Variants in GUCY2F observed in about 807,000 individuals in gnomAD.
GUCY2F encodes guanylate cyclase 2F, retinal.
GUCY2F carries 61 observed loss-of-function variants against 73.1 expected under a neutral mutation model. The ratio of observed to expected loss-of-function variants is 0.83; its 90% confidence interval spans 0.68 to 1.03. The LOEUF (loss-of-function observed/expected upper bound fraction) is 1.03. Among genes scored for constraint, GUCY2F ranks in the 50% least tolerant of loss-of-function variants. The pLI is 0.00. For synonymous variants in GUCY2F, 331 were observed against 307.8 expected, an observed-to-expected ratio of 1.08 and a Z score of -0.79; for missense variants, 912 against 854.3, an observed-to-expected ratio of 1.07 and a Z score of -0.84.
At chrX:109,443,704 T>C in intron 6 of GUCY2F, among the ~76,000 whole-genome samples, 1 of 112,076 alleles carries the variant, frequency 8.9e-6, no homozygotes, top group South Asian at 3.7e-4. Context: ...CAATCCAAAA[T>C]TGAGCTATGT....
At chrX:109,410,563 C>G (rs1242903687) in intron 8 of GUCY2F, among the ~76,000 whole-genome samples, 1 of 112,405 alleles carries the variant, frequency 8.9e-6, no homozygotes, top group Non-Finnish European at 1.9e-5. Context: ...ACATCCAAGA[C>G]ACTGGAATGC....
chrX:109,401,226 C>A (rs1299680800), intron 10 of GUCY2F, among the ~76,000 whole-genome samples: 2 of 111,993 alleles, frequency 1.8e-5, no homozygotes, highest in African/African-American at 3.3e-5. Context: ...GTTGAACTCT[C>A]GGGAAAACTA....
At chrX:109,470,843 C>T (rs1932559080) in intron 2 of GUCY2F, among the ~76,000 whole-genome samples, 1 of 111,547 alleles carries the variant, frequency 9.0e-6, no homozygotes, top group Non-Finnish European at 1.9e-5. Context: ...CTGGCTTTCT[C>T]ATTCACCAGT....
At chrX:109,426,421 G>C (rs1047913300) in intron 8 of GUCY2F, among the ~76,000 whole-genome samples, 1 of 111,764 alleles carries the variant, frequency 8.9e-6, no homozygotes, top group African/African-American at 3.3e-5. Context: ...CGGAGTCTTG[G>C]TCTGTCGCCC....
chrX:109,426,400 AT>A (rs1166135584), intron 8 of GUCY2F, among the ~76,000 whole-genome samples: 1 of 111,068 alleles, frequency 9.0e-6, no homozygotes, highest in African/African-American at 3.3e-5. Flanking sequence ...TCTTTTTTCT[AT>A]TTTTTGAGAC....
rs181505193 is a variant in GUCY2F at position 109,454,774 on chromosome X, G to A, written c.1033-915C>T. On this transcript the variant is annotated intron_variant, in intron 3 of 19. Coordinates refer to ENST00000218006, the MANE Select transcript of GUCY2F (RefSeq NM_001522.3). ...TTCCTCCCTTCTCTGTACCTCCCCC[G>A]ACATGGCCCCTCACACACGCGGCCA... is the stretch of plus-strand genomic sequence containing the variant. 3.9e-3 allele frequency among the ~76,000 whole-genome samples: 435 copies of A among 110,659 alleles called. 3 individuals are homozygous for A. The highest frequency in any genetic ancestry group is 0.014 in the African/African-American group (416 of 30,407).
chrX:109,412,766 G>A (rs1371508462), intron 8 of GUCY2F, among the ~76,000 whole-genome samples: 1 of 111,968 alleles, frequency 8.9e-6, no homozygotes, highest in Non-Finnish European at 1.9e-5. Context: ...AAGAGGAACC[G>A]ATATATGCCC....
At chrX:109,396,616 G>A (rs1333622310) in intron 11 of GUCY2F, among the ~76,000 whole-genome samples, 2 of 111,663 alleles carry the variant, frequency 1.8e-5, no homozygotes, top group Admixed American at 9.5e-5. Context: ...CAGGAACCAA[G>A]CTTTGCTTGC....
intron 14 of GUCY2F, among the ~76,000 whole-genome samples, chrX:109,391,136 C>A (rs1345532286): frequency 8.9e-6 from 1 of 111,964 alleles, no homozygotes; most frequent in East Asian, 2.8e-4. Context: ...AATGTCCCTG[C>A]ACAGCTATGA....
intron 2 of GUCY2F, among the ~76,000 whole-genome samples, chrX:109,471,155 G>A (rs1326795595): frequency 8.9e-6 from 1 of 111,933 alleles, no homozygotes; most frequent in Non-Finnish European, 1.9e-5. Context: ...GCAAGAGAAG[G>A]CTATTCCAAT....
At chrX:109,428,751 G>A (rs1931543622) in intron 8 of GUCY2F, among the ~76,000 whole-genome samples, 1 of 111,902 alleles carries the variant, frequency 8.9e-6, no homozygotes, top group African/African-American at 3.3e-5. Context: ...AAAGGGCATA[G>A]GGTCTACAAC....
At chrX:109,441,619 T>C (rs750705003) in intron 6 of GUCY2F, 137 bp from the exon 7 acceptor site, 2 of 401,719 alleles carry the variant, frequency 5.0e-6, no homozygotes, top group South Asian at 8.1e-5. Context: ...TGATTCATTT[T>C]CCCTATCCTT....
Position 109,393,030 on chromosome X carries a change from T to C in GUCY2F, c.2450A>G (p.Lys817Arg). The C allele has an allele frequency of 9.1e-7, 1 of 1,101,164 alleles. No individual in the cohort carries two copies. Among genetic ancestry groups the C allele is most frequent in the South Asian group, 1.9e-5 (1 of 52,816 alleles). 90.7% of individuals were successfully genotyped at this position (1,101,164 alleles called of 1,213,427 possible). A position where few individuals can be genotyped will look rare whatever the true frequency, so the allele number is the denominator to read the frequency against. The stretch of plus-strand genomic sequence containing the variant: ...AAGCATAGAATCAATAATATTGGTC[T>C]TCTTCCCTTTATTAAAAGTTTTAAA... ...NQFKTFNKGKKTNIIDSMLRM... is the reference protein window; with the variant it reads ...NQFKTFNKGKRTNIIDSMLRM... The change falls in exon 13 of 20, where the codon AAG (lysine) becomes AGG (arginine). Residue 817 changes from lysine to arginine, a missense_variant. Transcript: ENST00000218006.
In GUCY2F at chrX:109,388,603, T is replaced by C. The variant is rs1930492188; in HGVS notation, c.2842A>G (p.Arg948Gly). ...ATGTTTGCAATCTCAGCTGCATGCCTACTGCCATTCCTCTTTGGGAGGCCT... is the reference window on the plus strand; with the variant it reads ...ATGTTTGCAATCTCAGCTGCATGCCCACTGCCATTCCTCTTTGGGAGGCCT... ...ASGLPKRNGS[R>G]HAAEIANMSL... Residue 948 changes from arginine to glycine, a missense_variant, in exon 15 of 20, where the codon AGG becomes GGG. By Grantham distance (125) the Arg-to-Gly change is moderately radical (BLOSUM62 -2). Transcript: ENST00000218006. 1 of 1,198,812 alleles carries C rather than the reference T, an allele frequency of 8.3e-7. No individual in the cohort carries two copies. The highest frequency in any genetic ancestry group is 1.8e-5 in the African/African-American group (1 of 57,136).
chrX:109,475,304 G>A lies in GUCY2F; in HGVS notation c.633C>T (p.Ser211=). Residue 211 remains serine (S), a synonymous_variant, in exon 2 of 20, where the codon AGC becomes AGT. Transcript: ENST00000218006. ...TANRVASALR[S]HGLPVGVVLT... is the part of the protein sequence containing the mutation. ...GGACGACCCCTACAGGTAAGCCGTGGCTCCGAAGAGCACTTGCGACTCGAT... is the reference window on the plus strand; with the variant it reads ...GGACGACCCCTACAGGTAAGCCGTGACTCCGAAGAGCACTTGCGACTCGAT... The A allele has an allele frequency of 8.3e-7, 1 of 1,208,671 alleles. No individual in the cohort carries two copies.
At chrX:109,399,528 G>C (rs763834244) in intron 10 of GUCY2F, among the ~76,000 whole-genome samples, 1 of 112,239 alleles carries the variant, frequency 8.9e-6, no homozygotes, top group Non-Finnish European at 1.9e-5. Flanking sequence ...TTTCTTGGGT[G>C]GGGGGCACTG....
At chrX:109,397,139 G>C (rs1000201584) in intron 11 of GUCY2F, among the ~76,000 whole-genome samples, 2 of 111,773 alleles carry the variant, frequency 1.8e-5, no homozygotes, top group African/African-American at 6.5e-5. Context: ...GGCAAGATTG[G>C]GAGGAGGTGG....
intron 15 of GUCY2F, among the ~76,000 whole-genome samples, chrX:109,386,048 C>T (rs946277601): frequency 3.6e-5 from 4 of 111,139 alleles, no homozygotes; most frequent in Non-Finnish European, 7.5e-5. Flanking sequence ...GTGATCCCCC[C>T]ACCTCGGCCT....
intron 9 of GUCY2F, 78 bp downstream of exon 9, chrX:109,408,914 A>G: frequency 1.9e-6 from 1 of 539,659 alleles, no homozygotes. Context: ...CAACAATCTG[A>G]GGAAAATAAA....
Sources: allele counts gnomAD v4.1 joint callset (sites outside exome capture counted in the v4.1 genomes callset), GRCh38; gene constraint gnomAD v4.1.1; transcripts MANE v1.5; gene names NCBI Gene and HGNC (gene_info 2026-07-23, HGNC 2026-07-21).